RNPC3: variants seen among roughly 807,000 people sequenced by gnomAD.
The protein encoded by RNPC3 is RNA-binding region-containing protein 3.
In RNPC3, 48 loss-of-function variants were observed where a neutral mutation model predicts 67.5. The observed-to-expected ratio is 0.71, with a 90% CI of 0.56 to 0.90. RNPC3 has a LOEUF of 0.90. Ranked by LOEUF, RNPC3 falls within the 40% of genes least tolerant of loss-of-function variation. The pLI, the probability that RNPC3 is intolerant of heterozygous loss-of-function variation, is 0.00. For synonymous variants in RNPC3, 239 were observed against 210.3 expected (o/e 1.14, Z -1.18); for missense variants, 637 against 626.1 (o/e 1.02, Z -0.19).
At chr1:103,537,510 G>A (rs1557757810) in intron 7 of RNPC3, 26 bp downstream of exon 7, 1 of 1,520,714 alleles carries the variant, frequency 6.6e-7, no homozygotes, top group East Asian at 2.5e-5. Context: ...AATTTGTTTA[G>A]TTTCCAAGAA....
At chr1:103,530,945 C>T (rs1650834354) in intron 2 of RNPC3, among the ~76,000 whole-genome samples, 3 of 152,128 alleles carry the variant, frequency 2.0e-5, no homozygotes, top group Admixed American at 1.3e-4. Flanking sequence ...ACCTGTCACC[C>T]AAGCAATATA....
intron 12 of RNPC3, among the ~76,000 whole-genome samples, chr1:103,547,583 C>T (rs1303898398): frequency 2.0e-5 from 3 of 152,182 alleles, no homozygotes; most frequent in African/African-American, 7.2e-5. Flanking sequence ...AAAGACTATG[C>T]TTTGAAAACC....
chr1:103,538,858 G>A (rs1373676020), intron 7 of RNPC3, among the ~76,000 whole-genome samples: 1 of 152,068 alleles, frequency 6.6e-6, no homozygotes, highest in East Asian at 1.9e-4. Flanking sequence ...TTTATTTAAG[G>A]ATTCTGACAT....
chr1:103,551,157 A>G, intron 13 of RNPC3, 84 bp downstream of exon 13: 1 of 1,186,772 alleles, frequency 8.4e-7, no homozygotes, highest in African/African-American at 1.6e-5. Flanking sequence ...ACCCTTTAGA[A>G]ATTTCCACAA....
At chr1:103,526,315 G>T in intron 1 of RNPC3, 53 bp downstream of exon 1, 1 of 1,431,186 alleles carries the variant, frequency 7.0e-7, no homozygotes, top group South Asian at 1.3e-5. Flanking sequence ...GAAGTGACCG[G>T]GGAGGGGGAG....
intron 14 of RNPC3, chr1:103,554,022 C>T (rs1651467527): frequency 6.6e-6 from 1 of 152,170 alleles, no homozygotes; most frequent in African/African-American, 2.4e-5. Context: ...AACAGTGGTT[C>T]TCAGTCTTGG....
At chr1:103,537,786 G>T (rs1487276218) in intron 7 of RNPC3, among the ~76,000 whole-genome samples, 1 of 151,886 alleles carries the variant, frequency 6.6e-6, no homozygotes, top group Non-Finnish European at 1.5e-5. Context: ...TTGCCTATGT[G>T]CTAAAATTTA....
rs569705429 is a variant in RNPC3, at chr1:103,544,592, G to T, written c.1046-349G>T. Among the ~76,000 whole-genome samples the T allele has an allele frequency of 3.9e-5, 6 of 151,924 alleles. No individual in the cohort carries two copies. The East Asian group carries it at 1.2e-3, about 29-fold the overall frequency. On this transcript the variant is annotated intron_variant, in intron 9 of 14. Coordinates refer to ENST00000423855, the MANE Select transcript of RNPC3 (RefSeq NM_017619.4). ...ATAGGATAGAATTCTAGTAAGTATT[G>T]CAAACATAGTGAGTGAAAAACTGTG... is the stretch of plus-strand genomic sequence containing the variant.
At chr1:103,527,032 A>G (rs1026245398) in intron 1 of RNPC3, among the ~76,000 whole-genome samples, 1 of 151,998 alleles carries the variant, frequency 6.6e-6, no homozygotes, top group South Asian at 2.1e-4. Context: ...AAAAAAAAAA[A>G]TTATATATGG....
rs1570625282 is a variant in RNPC3, at chr1:103,546,958, T to C, written c.1303-19T>C. On this transcript the variant is annotated intron_variant, in intron 11 of 14. Transcript: ENST00000423855. The stretch of plus-strand genomic sequence containing the variant: ...TTCCCCTGGCTTTGTTATTTGTCTT[T>C]TTCTTATTGAAATTCTAGGACCTTA... The C allele has an allele frequency of 1.5e-6, 2 of 1,306,812 alleles. No individual in the cohort carries two copies. Among genetic ancestry groups the C allele is most frequent in the South Asian group, 2.7e-5 (2 of 73,252 alleles). 81.0% of individuals were successfully genotyped at this position (1,306,812 alleles called of 1,614,324 possible).
At chr1:103,537,609 G>A in intron 7 of RNPC3, 125 bp downstream of exon 7, 1 of 715,226 alleles carries the variant, frequency 1.4e-6, no homozygotes, top group Non-Finnish European at 2.2e-6. Context: ...TTTGTCCTCA[G>A]CCCCCCAGCA....
intron 13 of RNPC3, 41 bp downstream of exon 13, chr1:103,551,114 T>G: frequency 6.7e-7 from 1 of 1,482,578 alleles, no homozygotes; most frequent in Non-Finnish European, 9.1e-7. Context: ...ATATAATTTT[T>G]AGAAGGATAT....
intron 2 of RNPC3, 52 bp from the exon 3 acceptor site, chr1:103,533,687 A>T: frequency 1.0e-6 from 1 of 982,272 alleles, no homozygotes; most frequent in South Asian, 1.5e-5. Flanking sequence ...GTCTCTAACG[A>T]ATCATTTTTG....
Position 103,551,089 on chromosome 1 carries a change from A to G in RNPC3, c.1494+16A>G. 1 of 1,577,676 alleles carries G rather than the reference A, an allele frequency of 6.3e-7. No homozygotes were observed. Among genetic ancestry groups the G allele is most frequent in the Non-Finnish European group, 8.6e-7 (1 of 1,161,312 alleles). On this transcript the variant is annotated intron_variant, in intron 13 of 14. Coordinates refer to ENST00000423855, the MANE Select transcript of RNPC3 (RefSeq NM_017619.4). ...CATGGTGGTTGTATCCTTTAAATCC[A>G]TCTATTTCAAAACTATATAATTTTT...
intron 2 of RNPC3, 54 bp from the exon 3 acceptor site, chr1:103,533,685 C>G: frequency 1.1e-6 from 1 of 932,156 alleles, no homozygotes; most frequent in South Asian, 1.5e-5. Flanking sequence ...TGGTCTCTAA[C>G]GAATCATTTT....
At chr1:103,534,742 G>A in intron 3 of RNPC3, 32 bp from the exon 4 acceptor site, 3 of 1,291,132 alleles carry the variant, frequency 2.3e-6, no homozygotes, top group African/African-American at 3.1e-5. Flanking sequence ...CCTTTGGAAA[G>A]ATAAGATTAA....
At chr1:103,533,129 A>G (rs1254508369) in intron 2 of RNPC3, among the ~76,000 whole-genome samples, 3 of 152,036 alleles carry the variant, frequency 2.0e-5, no homozygotes, top group Admixed American at 6.6e-5. Flanking sequence ...GGAATTTAGT[A>G]TATAAGTTAA....
chr1:103,533,720 C>T lies in RNPC3; in HGVS notation c.241-19C>T. On this transcript the variant is annotated intron_variant, in intron 2 of 14. Transcript: ENST00000423855. ...TTGGTACAATTGTGAAATGTTTACT[C>T]TTGTTCTTTTAACTGAAGGCATTGA... The T allele has an allele frequency of 3.9e-6, 5 of 1,270,442 alleles. No individual in the cohort carries two copies. Among genetic ancestry groups the T allele is most frequent in the Non-Finnish European group, 5.5e-6 (5 of 908,252 alleles). The allele number at this position is 1,270,442 out of a possible 1,614,324, so 78.7% of individuals were successfully genotyped here.
chr1:103,527,505 T>C (rs1650749886), intron 1 of RNPC3, among the ~76,000 whole-genome samples, 190 bp from the exon 2 acceptor site: 2 of 152,200 alleles, frequency 1.3e-5, no homozygotes, highest in African/African-American at 4.8e-5. Context: ...ATAGCTTTCA[T>C]CTCAAGTCTG....
Sources: allele counts gnomAD v4.1 joint callset (sites outside exome capture counted in the v4.1 genomes callset), GRCh38; gene constraint gnomAD v4.1.1; transcripts MANE v1.5; gene names NCBI Gene and HGNC (gene_info 2026-07-23, HGNC 2026-07-21).